The following MSTO1 variants were observed in gnomAD, a reference collection of about 807,000 sequenced individuals.
MSTO1 encodes misato mitochondrial distribution and morphology regulator 1.
MSTO1 carries 24 observed loss-of-function variants against 55.7 expected under a neutral mutation model. That is an observed-to-expected ratio of 0.43 (90% CI 0.31 to 0.61). MSTO1 has a LOEUF of 0.61. MSTO1 is among the 20% of genes least tolerant of loss of function. MSTO1 has a pLI of 0.09. For missense variants in MSTO1, 363 were observed against 625.7 expected (o/e 0.58, Z 4.48); for synonymous variants, 162 against 252.8 (o/e 0.64, Z 3.41).
the MSTO1 span, chr1:155,566,137 G>T: frequency 6.6e-6 from 1 of 152,150 alleles, no homozygotes; most frequent in African/African-American, 2.4e-5. Context: ...CACCACCGTC[G>T]AAGCTCCCTT....
chr1:155,590,975 C>T, the MSTO1 span: 2 of 1,613,968 alleles, frequency 1.2e-6, no homozygotes, highest in Non-Finnish European at 1.7e-6. Context: ...GCAAGGTAGA[C>T]CAGCAAGCCG....
upstream of MSTO1, among the ~76,000 whole-genome samples, chr1:155,609,243 A>ATATATATT (rs59756178): frequency 3.4e-3 from 183 of 54,524 alleles, 4 homozygotes; most frequent in Non-Finnish European, 4.2e-3. Context: ...ATATATATAT[A>ATATATATT]TTTTTTTTTT....
At chr1:155,596,623 C>CA in the MSTO1 span, among the ~76,000 whole-genome samples, 1 of 151,714 alleles carries the variant, frequency 6.6e-6, no homozygotes, top group Admixed American at 6.6e-5. Flanking sequence ...CAACTCCACA[C>CA]AAAAAAATTT....
upstream of MSTO1, chr1:155,609,972 G>A (rs1026128052): frequency 3.8e-5 from 18 of 468,620 alleles, no homozygotes; most frequent in Non-Finnish European, 6.1e-5. Context: ...CCAAGTCAGC[G>A]GCGGAGACGG....
upstream of MSTO1, among the ~76,000 whole-genome samples, chr1:155,606,021 G>GA (rs1672928062): frequency 6.6e-6 from 1 of 151,942 alleles, no homozygotes; most frequent in South Asian, 2.1e-4. Flanking sequence ...CAAAATATCA[G>GA]TAAGTAGATC....
the MSTO1 span, among the ~76,000 whole-genome samples, chr1:155,575,790 T>TTTTA: frequency 6.8e-6 from 1 of 147,222 alleles, no homozygotes; most frequent in African/African-American, 2.6e-5. Context: ...TTTTGTCTTA[T>TTTTA]TTTATTTTTA....
At chr1:155,568,168 C>T in the MSTO1 span, among the ~76,000 whole-genome samples, 1 of 151,104 alleles carries the variant, frequency 6.6e-6, no homozygotes, top group Non-Finnish European at 1.5e-5. Context: ...CAACCTCCGC[C>T]TCTTGGGTTC....
At chr1:155,578,460 T>A in the MSTO1 span, among the ~76,000 whole-genome samples, 1 of 138,102 alleles carries the variant, frequency 7.2e-6, no homozygotes, top group Non-Finnish European at 1.5e-5. Context: ...TGCCTCAGCC[T>A]CCCAAGTAGC....
chr1:155,590,593 C>G, the MSTO1 span: 2 of 1,292,740 alleles, frequency 1.5e-6, no homozygotes, highest in Non-Finnish European at 2.1e-6. Context: ...CCCCCATTCA[C>G]TTCCATGTCA....
chr1:155,580,948 C>T, the MSTO1 span, among the ~76,000 whole-genome samples: 1 of 148,898 alleles, frequency 6.7e-6, no homozygotes, highest in Non-Finnish European at 1.5e-5. Flanking sequence ...AACTCTAATA[C>T]TCTAACACTA....
At chr1:155,609,045 T>G (rs905915746), upstream of MSTO1, among the ~76,000 whole-genome samples, 1 of 150,306 alleles carries the variant, frequency 6.7e-6, no homozygotes, top group African/African-American at 2.4e-5. Context: ...CAGGCTGGTC[T>G]CAACCTCCTG....
At position 155,612,116 on chromosome 1, in the gene MSTO1, T is replaced by C. The variant is rs1674232021; in HGVS notation, c.678+16T>C. 18 of 1,612,858 alleles carry C rather than the reference T, an allele frequency of 1.1e-5. No individual in the cohort carries two copies. The highest frequency in any genetic ancestry group is 1.5e-5 in the Non-Finnish European group (18 of 1,179,738). On this transcript the variant is annotated intron_variant, in intron 7 of 13. Coordinates refer to ENST00000245564, the MANE Select transcript of MSTO1 (RefSeq NM_018116.4). ...CTACTTGCAGGTAGTGGCGTGGCAA[T>C]GTGCACTCCAGGGTGGAAGCTCTTC...
chr1:155,580,022 G>A, the MSTO1 span, among the ~76,000 whole-genome samples: 19 of 151,560 alleles, frequency 1.3e-4, no homozygotes, highest in Non-Finnish European at 2.6e-4. Context: ...GTTGCAGTGA[G>A]CCGAGATCGG....
At chr1:155,612,358 G>A (rs1674350207) in intron 8 of MSTO1, 42 bp downstream of exon 8, 1 of 1,580,746 alleles carries the variant, frequency 6.3e-7, no homozygotes, top group Non-Finnish European at 8.6e-7. Context: ...ACAGTGGGGA[G>A]GGAGAAATCA....
the MSTO1 span, among the ~76,000 whole-genome samples, chr1:155,580,464 G>A: frequency 6.6e-6 from 1 of 152,146 alleles, no homozygotes. Flanking sequence ...CGGCCTGAGA[G>A]TTCGAGGTTG....
chr1:155,599,300 A>G, the MSTO1 span, among the ~76,000 whole-genome samples: 1 of 152,238 alleles, frequency 6.6e-6, no homozygotes, highest in Non-Finnish European at 1.5e-5. Flanking sequence ...ATGTGATGAA[A>G]GGAAATTGGG....
chr1:155,584,684 A>AG, the MSTO1 span, among the ~76,000 whole-genome samples: 2 of 145,920 alleles, frequency 1.4e-5, no homozygotes, highest in Non-Finnish European at 3.0e-5. Flanking sequence ...AAAAAAAAAA[A>AG]AAAAAAAAAA....
upstream of MSTO1, among the ~76,000 whole-genome samples, chr1:155,605,556 C>T (rs1450203236): frequency 6.6e-6 from 1 of 152,136 alleles, no homozygotes; most frequent in Non-Finnish European, 1.5e-5. Context: ...CTCCTGTCAT[C>T]CCAGAACTTT....
chr1:155,569,597 C>T, the MSTO1 span, among the ~76,000 whole-genome samples: 1 of 151,962 alleles, frequency 6.6e-6, no homozygotes. Context: ...GCCACCACGC[C>T]TGACTAATTT....
Sources: allele counts gnomAD v4.1 joint callset (sites outside exome capture counted in the v4.1 genomes callset), GRCh38; gene constraint gnomAD v4.1.1; transcripts MANE v1.5; gene names NCBI Gene and HGNC (gene_info 2026-07-23, HGNC 2026-07-21).